Variants in PLPPR5 observed in about 807,000 individuals in gnomAD.
PLPPR5 encodes phospholipid phosphatase-related protein type 5.
Under a neutral mutation model 33.9 loss-of-function variants are expected in PLPPR5, and 16 were observed. That is an observed-to-expected ratio of 0.47 (90% confidence interval 0.32 to 0.72). PLPPR5 has a LOEUF of 0.72. PLPPR5 is among the 30% of genes least tolerant of loss of function. The pLI, the probability that PLPPR5 is intolerant of heterozygous loss-of-function variation, is 0.03. For synonymous variants in PLPPR5, 163 were observed against 150.3 expected (o/e 1.08, Z -0.62); for missense variants, 301 against 406.7 (o/e 0.74, Z 2.23).
intron 4 of PLPPR5, among the ~76,000 whole-genome samples, chr1:98,920,794 G>A (rs567640756): frequency 6.6e-6 from 1 of 151,804 alleles, no homozygotes; most frequent in South Asian, 2.1e-4. Flanking sequence ...TACATGTAAG[G>A]GCAATTTAAA....
At position 98,956,346 on chromosome 1, in the gene PLPPR5, T is replaced by A. The variant is rs185632815; in HGVS notation, c.370+263A>T. 6.7e-4 allele frequency among the ~76,000 whole-genome samples: 102 copies of A among 152,318 alleles called. 1 individual carries two copies. Among genetic ancestry groups the A allele is most frequent in the African/African-American group, 2.3e-3 (97 of 41,580 alleles). On this transcript the variant is annotated intron_variant, in intron 2 of 5. Coordinates refer to ENST00000263177, the MANE Select transcript of PLPPR5 (RefSeq NM_001037317.2). ...ATGTAATGTTTATTTTTAAATTTTT[T>A]AATTTATTTTTTATTTCAGTAGATT...
rs375197002 is a variant in PLPPR5 at position 98,893,034 on chromosome 1, A to G, written c.*38T>C. 1 of 1,602,312 alleles carries G rather than the reference A, an allele frequency of 6.2e-7. No individual in the cohort carries two copies. Among genetic ancestry groups the G allele is most frequent in the East Asian group, 2.2e-5 (1 of 44,560 alleles). The stretch of plus-strand genomic sequence containing the variant: ...TGTTATGAATGGATGGTAAAAAGGG[A>G]TGATGTCCAATGCAGTGAAAAACCA... On this transcript the variant is annotated 3_prime_UTR_variant, in exon 6 of 6. Transcript: ENST00000263177.
At chr1:98,939,709 A>G (rs2101189728) in intron 3 of PLPPR5, among the ~76,000 whole-genome samples, 1 of 151,972 alleles carries the variant, frequency 6.6e-6, no homozygotes, top group South Asian at 2.1e-4. Flanking sequence ...GGAGGCATGG[A>G]GAAGTGGTGG....
intron 5 of PLPPR5, among the ~76,000 whole-genome samples, chr1:98,907,176 A>T: frequency 6.6e-6 from 1 of 150,948 alleles, no homozygotes; most frequent in Non-Finnish European, 1.5e-5. Context: ...GCTATCTAAA[A>T]TAAATTTAAT....
At chr1:98,965,601 A>T (rs1286607115) in intron 1 of PLPPR5, among the ~76,000 whole-genome samples, 1 of 152,198 alleles carries the variant, frequency 6.6e-6, no homozygotes, top group African/African-American at 2.4e-5. Flanking sequence ...TGTGCACATC[A>T]CTTTGTTCTC....
intron 3 of PLPPR5, among the ~76,000 whole-genome samples, chr1:98,945,038 GA>G (rs1650503383): frequency 6.6e-6 from 1 of 152,172 alleles, no homozygotes. Context: ...TTGTCAAAGT[GA>G]TATTACCTAC....
Position 98,956,662 on chromosome 1 carries a change from G to A in PLPPR5, c.317C>T (p.Thr106Ile), listed in dbSNP as rs890180720. Residue 106 changes from threonine (T) to isoleucine (I), a missense_variant, in exon 2 of 6, where the codon ACT (threonine) becomes ATT (isoleucine). Coordinates refer to ENST00000263177, the MANE Select transcript of PLPPR5 (RefSeq NM_001037317.2). ...CGGGTTTATATAGCAACAGTCTCCA[G>A]TTAAAATAGTTTTTTCCTGGTTTTC... ...DFENQEKTIL[T>I]GDCCYINPLV... is the part of the protein sequence containing the mutation. 6.2e-7 allele frequency: 1 copy of A among 1,603,130 alleles called. No individual in the cohort carries two copies.
intron 5 of PLPPR5, among the ~76,000 whole-genome samples, chr1:98,894,184 GT>G (rs1648387291): frequency 6.6e-6 from 1 of 152,036 alleles, no homozygotes; most frequent in Non-Finnish European, 1.5e-5. Flanking sequence ...CGAATCAGGA[GT>G]GAGCAGAGCA....
chr1:98,904,231 T>C (rs1406889503), intron 5 of PLPPR5, among the ~76,000 whole-genome samples: 3 of 151,506 alleles, frequency 2.0e-5, no homozygotes, highest in Non-Finnish European at 2.9e-5. Flanking sequence ...TAAAACTGAA[T>C]CTTGTAAACT....
At chr1:98,976,732 TAA>T (rs1197092206) in intron 1 of PLPPR5, among the ~76,000 whole-genome samples, 1 of 152,084 alleles carries the variant, frequency 6.6e-6, no homozygotes, top group African/African-American at 2.4e-5. Flanking sequence ...AACTTATTAA[TAA>T]GTGTGTATAT....
intron 4 of PLPPR5, among the ~76,000 whole-genome samples, chr1:98,915,520 C>T (rs1358932791): frequency 2.6e-5 from 4 of 151,316 alleles, no homozygotes; most frequent in African/African-American, 2.4e-5. Flanking sequence ...GTAACCTGCA[C>T]GTTGTGCACA....
intron 1 of PLPPR5, among the ~76,000 whole-genome samples, chr1:98,993,060 T>C (rs1379401815): frequency 6.6e-6 from 1 of 152,138 alleles, no homozygotes; most frequent in Non-Finnish European, 1.5e-5. Flanking sequence ...CTATGTTAGT[T>C]AATATGTATA....
At position 98,932,999 on chromosome 1, in the gene PLPPR5, G is replaced by A. The variant is rs1011865372; in HGVS notation, c.622-10941C>T. On this transcript the variant is annotated intron_variant, in intron 3 of 5. Transcript: ENST00000263177. ...TTTGGGGTAATATGATCTATGTACCGCCCATTGATACCTCCAGTGTGGTCC... is the reference window on the plus strand; with the variant it reads ...TTTGGGGTAATATGATCTATGTACCACCCATTGATACCTCCAGTGTGGTCC... Among the ~76,000 whole-genome samples, 9 of 152,174 alleles carry A rather than the reference G, an allele frequency of 5.9e-5. No homozygotes were observed. In the South Asian group the frequency reaches 6.2e-4, roughly 11 times the overall value.
chr1:98,993,520 G>A (rs1652530979), intron 1 of PLPPR5, among the ~76,000 whole-genome samples: 1 of 152,058 alleles, frequency 6.6e-6, no homozygotes, highest in East Asian at 1.9e-4. Flanking sequence ...ATTCAATTTA[G>A]TAACTGAGCA....
At chr1:99,005,642 G>A (rs1014680376), upstream of PLPPR5, among the ~76,000 whole-genome samples, 6 of 152,096 alleles carry the variant, frequency 3.9e-5, no homozygotes, top group African/African-American at 1.4e-4. Flanking sequence ...TCCAGGCACT[G>A]AGCGGTCCCA....
chr1:98,935,074 G>A (rs1199540714), intron 3 of PLPPR5, among the ~76,000 whole-genome samples: 2 of 152,152 alleles, frequency 1.3e-5, no homozygotes, highest in African/African-American at 2.4e-5. Flanking sequence ...TGGATTACAT[G>A]ATTGCATGTT....
intron 2 of PLPPR5, 72 bp from the exon 3 acceptor site, chr1:98,953,392 T>TGA (rs377156706): frequency 0.068 from 99,608 of 1,462,582 alleles, 1,554 homozygotes; most frequent in Middle Eastern, 0.12. Context: ...TGTGTGTGTG[T>TGA]GTGAATTTCA....
intron 1 of PLPPR5, among the ~76,000 whole-genome samples, chr1:98,977,642 AC>A (rs975802021): frequency 1.0e-4 from 15 of 148,902 alleles, no homozygotes; most frequent in Admixed American, 8.1e-4. Flanking sequence ...AATGTATTGA[AC>A]CTTATCTGGT....
chr1:98,937,588 G>T (rs1016975869), intron 3 of PLPPR5, among the ~76,000 whole-genome samples: 3 of 152,180 alleles, frequency 2.0e-5, no homozygotes, highest in African/African-American at 7.2e-5. Context: ...GTAGGCTGTT[G>T]TGGTCTTCAC....
Sources: gnomAD v4.1 joint callset for allele counts (sites outside exome capture counted in the v4.1 genomes callset) on GRCh38, gnomAD v4.1.1 for gene constraint, MANE v1.5 for transcripts, NCBI Gene and HGNC (gene_info 2026-07-23, HGNC 2026-07-21) for gene names.